The following PTPN21 variants were observed in gnomAD, a reference collection of about 807,000 sequenced individuals.
The protein encoded by PTPN21 is protein tyrosine phosphatase non-receptor type 21.
Under a neutral mutation model 131.8 loss-of-function variants are expected in PTPN21, and 77 were observed. The observed-to-expected ratio is 0.58, with a 90% CI of 0.49 to 0.71. PTPN21 has a LOEUF of 0.71. PTPN21 is among the 30% of genes least tolerant of loss of function. The pLI, the probability that PTPN21 is intolerant of heterozygous loss-of-function variation, is 0.00. For synonymous variants in PTPN21, 715 were observed against 621.3 expected (o/e 1.15, Z -2.24); for missense variants, 1,552 against 1,527.1 (o/e 1.02, Z -0.27).
rs1864745 is a variant in PTPN21, at chr14:88,554,686, C to G, written c.-238G>C. ...TCCCGCTCCCGCATCCTCGGGGCCGCGCGCCCCGCTCAGCGACCCGCCTCC... is the reference window on the plus strand; with the variant it reads ...TCCCGCTCCCGCATCCTCGGGGCCGGGCGCCCCGCTCAGCGACCCGCCTCC... On this transcript the variant is annotated 5_prime_UTR_variant, in exon 1 of 19. Coordinates refer to ENST00000556564, the MANE Select transcript of PTPN21 (RefSeq NM_007039.4). 20 of 148,272 alleles carry G rather than the reference C, an allele frequency of 1.3e-4. No homozygotes were observed. Among genetic ancestry groups the G allele is most frequent in the Non-Finnish European group, 2.7e-4 (18 of 66,626 alleles). 9.2% of individuals were successfully genotyped at this position (148,272 alleles called of 1,614,324 possible).
At position 88,469,870 on chromosome 14, in the gene PTPN21, T is replaced by C; in HGVS notation, c.3000+52A>G. 2 of 1,611,206 alleles carry C rather than the reference T, an allele frequency of 1.2e-6. No individual in the cohort carries two copies. The highest frequency in any genetic ancestry group is 8.5e-7 in the Non-Finnish European group (1 of 1,177,618). ...AGGTCAGGATTCCAGATGATTAACA[T>C]TAACTGTTCTTCAGAGGCTGAGAAA... On this transcript the variant is annotated intron_variant, in intron 16 of 18. Coordinates refer to ENST00000556564, the MANE Select transcript of PTPN21 (RefSeq NM_007039.4). The surrounding 1 kb of genome is among the most constrained non-coding windows in gnomAD (Gnocchi z 4.3).
intron 3 of PTPN21, among the ~76,000 whole-genome samples, chr14:88,509,889 A>G (rs2078150481): frequency 6.6e-6 from 1 of 152,148 alleles, no homozygotes; most frequent in African/African-American, 2.4e-5. Context: ...TACAAAAATT[A>G]GCCAGGCGTG....
In PTPN21 at chr14:88,516,949, T is replaced by A. The variant is rs2297125; in HGVS notation, c.350+143A>T. 3,664 of 886,492 alleles carry A rather than the reference T, an allele frequency of 4.1e-3. 107 individuals carry two copies. The South Asian group carries it at 0.044, about 11-fold the overall frequency. The allele number at this position is 886,492 out of a possible 1,614,324, so 54.9% of individuals were successfully genotyped here. ...GTAAAACACTCTGACATGCCACATATGAGAATCTCTTTGTAACACCGTGGC... is the reference window on the plus strand; with the variant it reads ...GTAAAACACTCTGACATGCCACATAAGAGAATCTCTTTGTAACACCGTGGC... On this transcript the variant is annotated intron_variant, in intron 3 of 18. Coordinates refer to ENST00000556564, the MANE Select transcript of PTPN21 (RefSeq NM_007039.4).
chr14:88,508,092 A>C (rs1325876439), intron 3 of PTPN21, 72 bp from the exon 4 acceptor site: 6 of 793,582 alleles, frequency 7.6e-6, no homozygotes, highest in Non-Finnish European at 1.2e-5. Context: ...TTTAACCATA[A>C]TTTGGTAGAG....
intron 2 of PTPN21, among the ~76,000 whole-genome samples, chr14:88,530,969 A>G (rs771265910): frequency 1.3e-5 from 2 of 152,202 alleles, no homozygotes. Context: ...ATTCTACCCA[A>G]CAACTGCAGA....
In PTPN21 at chr14:88,466,318, C is replaced by A. The variant is rs150469698; in HGVS notation, c.*1819G>T. 1 of 151,872 alleles carries A rather than the reference C, an allele frequency of 6.6e-6. No individual in the cohort carries two copies. Among genetic ancestry groups the A allele is most frequent in the South Asian group, 2.1e-4 (1 of 4,808 alleles). The allele number at this position is 151,872 out of a possible 1,614,324, so 9.4% of individuals were successfully genotyped here. ...ATTTTGTTCCTACATGAGAAGTGTGCGTACTTTCAATTAGTTTTCATTAAT... is the reference window on the plus strand; with the variant it reads ...ATTTTGTTCCTACATGAGAAGTGTGAGTACTTTCAATTAGTTTTCATTAAT... On this transcript the variant is annotated 3_prime_UTR_variant, in exon 19 of 19. Coordinates refer to ENST00000556564, the MANE Select transcript of PTPN21 (RefSeq NM_007039.4).
intron 8 of PTPN21, among the ~76,000 whole-genome samples, chr14:88,498,664 T>C (rs1463369746): frequency 2.6e-5 from 4 of 152,170 alleles, no homozygotes; most frequent in African/African-American, 9.7e-5. Context: ...GTGCTGCAGG[T>C]ATTAAAATAA....
rs200817884 is a variant in PTPN21 at position 88,500,769 on chromosome 14, G to A, written c.764+14C>T. ...GAGCCATAGAAAACATACAAAAAGA[G>A]GTAAGAAAAATACCTAAATACCACA... On this transcript the variant is annotated intron_variant, in intron 8 of 18. Transcript: ENST00000556564. 1.0e-5 allele frequency: 16 copies of A among 1,569,442 alleles called. No individual in the cohort carries two copies. The highest frequency in any genetic ancestry group is 1.3e-5 in the Non-Finnish European group (15 of 1,139,504).
intron 1 of PTPN21, among the ~76,000 whole-genome samples, chr14:88,554,407 A>AGGGC (rs1244500995): frequency 2.5e-4 from 38 of 152,340 alleles, no homozygotes; most frequent in African/African-American, 9.1e-4. Context: ...AACCCGCAAC[A>AGGGC]ATCGGCCAGG....
chr14:88,506,951 C>T (rs7159914), intron 4 of PTPN21, among the ~76,000 whole-genome samples: 5,520 of 152,012 alleles, frequency 0.036, 140 homozygotes, highest in South Asian at 0.1. Flanking sequence ...GAGGCTGAGG[C>T]AGGAGAATCG....
At chr14:88,549,822 G>A (rs1288047427) in intron 2 of PTPN21, among the ~76,000 whole-genome samples, 1 of 150,980 alleles carries the variant, frequency 6.6e-6, no homozygotes, top group African/African-American at 2.4e-5. Flanking sequence ...GAGTGCAGTG[G>A]AGCGATCTCG....
chr14:88,473,658 T>C lies in PTPN21; in HGVS notation c.2649+7A>G, dbSNP rs776790641. 6 of 1,612,098 alleles carry C rather than the reference T, an allele frequency of 3.7e-6. No homozygotes were observed. Among genetic ancestry groups the C allele is most frequent in the Non-Finnish European group, 5.1e-6 (6 of 1,179,654 alleles). ...AAGGCACAAAGCCCTGTGTGTCCCA[T>C]ACATACCCTTTCATCATTCGTTGCT... On this transcript the variant is annotated splice_region_variant and intron_variant, in intron 14 of 18. Coordinates refer to ENST00000556564, the MANE Select transcript of PTPN21 (RefSeq NM_007039.4).
intron 4 of PTPN21, 44 bp downstream of exon 4, chr14:88,507,879 T>G: frequency 7.9e-7 from 1 of 1,260,814 alleles, no homozygotes; most frequent in Non-Finnish European, 1.1e-6. Flanking sequence ...TGTAACACAT[T>G]TTAATCTGAT....
rs562269862 is a variant in PTPN21, at chr14:88,525,492, A to G, written c.181-8231T>C. 6.6e-5 allele frequency among the ~76,000 whole-genome samples: 10 copies of G among 152,304 alleles called. No individual in the cohort carries two copies. The South Asian group carries it at 1.9e-3, about 28-fold the overall frequency. ...CATTGTTAGTCATTAGGGAAATGCAACTCAGAACCATAATGAGATACCACT... is the reference window on the plus strand; with the variant it reads ...CATTGTTAGTCATTAGGGAAATGCAGCTCAGAACCATAATGAGATACCACT... On this transcript the variant is annotated intron_variant, in intron 2 of 18. Coordinates refer to ENST00000556564, the MANE Select transcript of PTPN21 (RefSeq NM_007039.4).
Position 88,473,847 on chromosome 14 carries a change from A to G in PTPN21, c.2512-45T>C, listed in dbSNP as rs775382926. 4.3e-5 allele frequency: 65 copies of G among 1,528,304 alleles called. 1 individual carries two copies. The South Asian group carries it at 7.8e-4, about 18-fold the overall frequency. 94.7% of individuals were successfully genotyped at this position (1,528,304 alleles called of 1,614,324 possible). ...TATATATGAAATATACACAAATACA[A>G]CCCCTGTGAAAAGAAGTTTCAATGC... On this transcript the variant is annotated intron_variant, in intron 13 of 18. Transcript: ENST00000556564.
At position 88,473,811 on chromosome 14, in the gene PTPN21, G is replaced by A. The variant is rs2077506940; in HGVS notation, c.2512-9C>T. On this transcript the variant is annotated splice_polypyrimidine_tract_variant and intron_variant, in intron 13 of 18. Coordinates refer to ENST00000556564, the MANE Select transcript of PTPN21 (RefSeq NM_007039.4). Reference sequence around the variant, plus strand: ...CGAGTCTTTTTCATTCCCTGTAAAAGGATTTATATGTATATATGAAATATA... The same window carrying A: ...CGAGTCTTTTTCATTCCCTGTAAAAAGATTTATATGTATATATGAAATATA... The A allele has an allele frequency of 6.3e-7, 1 of 1,593,854 alleles. No individual in the cohort carries two copies.
At position 88,479,030 on chromosome 14, in the gene PTPN21, G is replaced by C. The variant is rs966687804; in HGVS notation, c.2401C>G (p.Leu801Val). 5 of 1,607,414 alleles carry C rather than the reference G, an allele frequency of 3.1e-6. No individual in the cohort carries two copies. Among genetic ancestry groups the C allele is most frequent in the African/African-American group, 1.3e-5 (1 of 74,394 alleles). The change falls in exon 13 of 19, where the codon CTC becomes GTC. Residue 801 changes from leucine (L) to valine (V), a missense_variant. By Grantham distance (32) the Leu-to-Val change is conservative. Coordinates refer to ENST00000556564, the MANE Select transcript of PTPN21 (RefSeq NM_007039.4). The part of the protein sequence containing the change: ...LLMPSMSESD[L>V]TTSGRYRARR... ...GCTCGGTAGCGGCCTGACGTGGTGA[G>C]GTCGGACTCCGACATGGAGGGCATC...
intron 13 of PTPN21, among the ~76,000 whole-genome samples, chr14:88,478,176 T>C (rs2077575411): frequency 6.6e-6 from 1 of 152,240 alleles, no homozygotes; most frequent in African/African-American, 2.4e-5. Context: ...GCTCCAAGGA[T>C]GGTAGCTAGA....
intron 10 of PTPN21, among the ~76,000 whole-genome samples, chr14:88,488,606 A>G (rs1355925421): frequency 6.6e-6 from 1 of 152,212 alleles, no homozygotes; most frequent in African/African-American, 2.4e-5. Context: ...GCTGCTAAAT[A>G]ACTGAGAAGA....
Sources: allele counts gnomAD v4.1 joint callset (sites outside exome capture counted in the v4.1 genomes callset), GRCh38; gene constraint gnomAD v4.1.1; non-coding constraint Gnocchi (gnomAD v3.1); transcripts MANE v1.5; gene names NCBI Gene and HGNC (gene_info 2026-07-23, HGNC 2026-07-21).